SNRPN: variants seen among roughly 807,000 people sequenced by gnomAD.
The protein encoded by SNRPN is small nuclear ribonucleoprotein polypeptide N, also known as small nuclear ribonucleoprotein-associated protein N.
A neutral mutation model predicts 25.2 loss-of-function variants in SNRPN; 7 were observed. The observed-to-expected ratio is 0.28, with a 90% CI of 0.16 to 0.52. The LOEUF (loss-of-function observed/expected upper bound fraction) is 0.52, where lower values mean the gene tolerates loss of function less well. Ranked by LOEUF, SNRPN falls within the 20% of genes least tolerant of loss-of-function variation. The pLI is 0.96. For missense variants in SNRPN, 196 were observed against 322.5 expected (o/e 0.61, Z 3.00); for synonymous variants, 124 against 110.6 (o/e 1.12, Z -0.76).
upstream of SNRPN, among the ~76,000 whole-genome samples, chr15:24,855,050 AT>A (rs1271462305): frequency 6.6e-6 from 1 of 152,144 alleles, no homozygotes; most frequent in Non-Finnish European, 1.5e-5. Flanking sequence ...CCTCTAGAAG[AT>A]TTGTTCATGG....
chr15:24,829,632 T>G (rs1379265370), intron 1 of SNRPN, among the ~76,000 whole-genome samples: 1 of 152,040 alleles, frequency 6.6e-6, no homozygotes, highest in Non-Finnish European at 1.5e-5. Context: ...TATGAAATGT[T>G]ATCCCCAATC....
chr15:24,964,521 C>A (rs1209693834), intron 2 of SNRPN, among the ~76,000 whole-genome samples: 1 of 152,040 alleles, frequency 6.6e-6, no homozygotes, highest in Non-Finnish European at 1.5e-5. Context: ...CTCGAACTCC[C>A]GACCTCAGAT....
intron 1 of SNRPN, among the ~76,000 whole-genome samples, chr15:24,957,827 T>G (rs552896000): frequency 5.3e-5 from 8 of 152,284 alleles, no homozygotes; most frequent in South Asian, 2.1e-4. Flanking sequence ...AAGCTGAGTA[T>G]TTAGTCTGAT....
At chr15:24,961,454 A>G (rs999130806) in intron 1 of SNRPN, among the ~76,000 whole-genome samples, 2 of 152,164 alleles carry the variant, frequency 1.3e-5, no homozygotes, top group African/African-American at 4.8e-5. Flanking sequence ...TGGTTTCTGC[A>G]GTCCCTAATA....
rs575953694 is a variant in SNRPN at position 24,932,609 on chromosome 15, A to G, written c.-391+12485A>G. Among the ~76,000 whole-genome samples the G allele has an allele frequency of 3.3e-5, 5 of 150,894 alleles. No individual in the cohort carries two copies. The East Asian group carries it at 1.0e-3, about 30-fold the overall frequency. Reference sequence around the variant, plus strand: ...AAGAAGACTATCTCTGTCAATCATAATGTGTATTCCACCAATAAGAGTCAT... The same window carrying G: ...AAGAAGACTATCTCTGTCAATCATAGTGTGTATTCCACCAATAAGAGTCAT... On this transcript the variant is annotated intron_variant, in intron 3 of 11. Coordinates refer to the SNRPN transcript ENST00000400097.
chr15:24,864,067 C>T (rs1198022865), intron 1 of SNRPN, among the ~76,000 whole-genome samples: 2 of 146,702 alleles, frequency 1.4e-5, no homozygotes, highest in African/African-American at 2.6e-5. Flanking sequence ...CTCTCTGTCG[C>T]CCAGGCTGGA....
At chr15:24,873,726 C>T (rs567219952) in intron 1 of SNRPN, among the ~76,000 whole-genome samples, 8 of 152,166 alleles carry the variant, frequency 5.3e-5, no homozygotes, top group Middle Eastern at 3.4e-3. Context: ...GGATTACAGA[C>T]GTGAGCCACC....
chr15:24,940,724 T>C lies in SNRPN; in HGVS notation c.-391+20600T>C, dbSNP rs192091302. On this transcript the variant is annotated intron_variant, in intron 3 of 11. Coordinates refer to the SNRPN transcript ENST00000400097. Reference sequence around the variant, plus strand: ...CTGTAGGCGGTGTCTAAGGCAGGTGTCAGCAAATTTTCCTCTAAAGGAGCT... The same window carrying C: ...CTGTAGGCGGTGTCTAAGGCAGGTGCCAGCAAATTTTCCTCTAAAGGAGCT... Among the ~76,000 whole-genome samples, 615 of 152,228 alleles carry C rather than the reference T, an allele frequency of 4.0e-3. 13 individuals carry two copies. Among genetic ancestry groups the C allele is most frequent in the Admixed American group, 0.037 (559 of 15,276 alleles).
chr15:24,976,439 C>T (rs761546700), intron 6 of SNRPN, 23 bp downstream of exon 6: 1 of 1,491,922 alleles, frequency 6.7e-7, no homozygotes. Flanking sequence ...TAGGGCAGGA[C>T]AGAACTTTAA....
At chr15:24,886,896 AAAGT>A (rs71412609) in intron 2 of SNRPN, among the ~76,000 whole-genome samples, 7,498 of 152,280 alleles carry the variant, frequency 0.049, 185 homozygotes, top group Non-Finnish European at 0.06. Flanking sequence ...AGATATGAAC[AAAGT>A]AAGACTAACT....
At chr15:24,949,451 A>G (rs1321335202) in intron 3 of SNRPN, among the ~76,000 whole-genome samples, 2 of 151,764 alleles carry the variant, frequency 1.3e-5, no homozygotes, top group East Asian at 3.9e-4. Context: ...GGAGTTGGAG[A>G]CCTCTCTGGG....
intron 2 of SNRPN, among the ~76,000 whole-genome samples, chr15:24,902,750 G>C (rs1053412311): frequency 4.6e-5 from 7 of 152,118 alleles, no homozygotes; most frequent in African/African-American, 1.7e-4. Flanking sequence ...TCATGGTCTC[G>C]CCGGCTTCAG....
Position 24,828,299 on chromosome 15 carries a change from C to T in SNRPN, c.-686-1499C>T, listed in dbSNP as rs557961687. On this transcript the variant is annotated intron_variant, in intron 1 of 12. Transcript: ENST00000400100. The stretch of plus-strand genomic sequence containing the variant: ...ATTGTCAGTGCGATTTGCACCTTCC[C>T]GTTGACATCCATTCTGTAGGTATTG... Among the ~76,000 whole-genome samples, 76 of 152,186 alleles carry T rather than the reference C, an allele frequency of 5.0e-4. 1 individual carries two copies. The highest frequency in any genetic ancestry group is 1.7e-3 in the African/African-American group (69 of 41,458).
In SNRPN at chr15:24,873,390, G is replaced by A. The variant is rs536018308; in HGVS notation, c.-578-13126G>A. Among the ~76,000 whole-genome samples the A allele has an allele frequency of 1.1e-4, 13 of 114,684 alleles. 3 individuals carry two copies. Among genetic ancestry groups the A allele is most frequent in the African/African-American group, 3.3e-4 (11 of 33,240 alleles). 75.2% of individuals were successfully genotyped at this position (114,684 alleles called of 152,430 possible). ...CACCCAGGCTGGAGTGCAATGGCACGATCCCGACTCACTGCAACCTCTGCC... is the reference window on the plus strand; with the variant it reads ...CACCCAGGCTGGAGTGCAATGGCACAATCCCGACTCACTGCAACCTCTGCC... On this transcript the variant is annotated intron_variant, in intron 1 of 11. Transcript: ENST00000400097.
chr15:24,836,707 C>T (rs1448090406), intron 2 of SNRPN, among the ~76,000 whole-genome samples: 1 of 152,044 alleles, frequency 6.6e-6, no homozygotes. Flanking sequence ...TCCACCACGC[C>T]CAGCCACAAA....
intron 1 of SNRPN, among the ~76,000 whole-genome samples, chr15:24,875,775 C>T (rs1224903648): frequency 2.6e-5 from 4 of 151,974 alleles, no homozygotes; most frequent in Non-Finnish European, 5.9e-5. Flanking sequence ...AATTTTAGGC[C>T]GGGTGCGGTA....
intron 1 of SNRPN, among the ~76,000 whole-genome samples, chr15:24,825,708 C>T (rs1023546495): frequency 6.6e-6 from 1 of 152,014 alleles, no homozygotes; most frequent in African/African-American, 2.4e-5. Context: ...TACATTTGTA[C>T]AAAATCATCT....
intron 1 of SNRPN, among the ~76,000 whole-genome samples, chr15:24,867,772 G>T (rs956422077): frequency 6.6e-6 from 1 of 152,106 alleles, no homozygotes; most frequent in Non-Finnish European, 1.5e-5. Flanking sequence ...GCCATTGAAA[G>T]TCAATGTGAT....
intron 2 of SNRPN, among the ~76,000 whole-genome samples, chr15:24,888,366 A>C (rs1393102276): frequency 6.6e-6 from 1 of 152,150 alleles, no homozygotes; most frequent in Non-Finnish European, 1.5e-5. Flanking sequence ...TCGGGTTCCC[A>C]AAGTGCTGAG....
Sources: allele counts gnomAD v4.1 joint callset (sites outside exome capture counted in the v4.1 genomes callset), GRCh38; gene constraint gnomAD v4.1.1; transcripts MANE v1.5; gene names NCBI Gene and HGNC (gene_info 2026-07-23, HGNC 2026-07-21).